DDAH1: variants seen among roughly 807,000 people sequenced by gnomAD.
DDAH1 encodes dimethylarginine dimethylaminohydrolase 1.
In DDAH1, 19 loss-of-function variants were observed where a neutral mutation model predicts 28.8. The observed-to-expected ratio is 0.66, with a 90% confidence interval of 0.46 to 0.97. The LOEUF is 0.97. Ranked by LOEUF, DDAH1 falls within the 50% of genes least tolerant of loss-of-function variation. The probability of loss-of-function intolerance (pLI) is 0.00; values close to 1 mark genes in which losing one functional copy is unlikely to be tolerated. For missense variants in DDAH1, 326 were observed against 375.9 expected (o/e 0.87, Z 1.10); for synonymous variants, 153 against 154.4 (o/e 0.99, Z 0.07).
At chr1:85,351,713 C>T (rs1261167541) in intron 2 of DDAH1, 134 bp from the exon 3 acceptor site, 1 of 631,870 alleles carries the variant, frequency 1.6e-6, no homozygotes, top group Non-Finnish European at 2.7e-6. Flanking sequence ...ACTAAAGAGA[C>T]TACAAAAAAT....
intron 2 of DDAH1, among the ~76,000 whole-genome samples, chr1:85,481,098 G>GT (rs71075839): frequency 0.056 from 6,332 of 113,294 alleles, 456 homozygotes; most frequent in East Asian, 0.13. Context: ...TGGGTTTTTT[G>GT]TTTTTTTTTT....
intron 1 of DDAH1, among the ~76,000 whole-genome samples, chr1:85,377,931 G>A (rs1024568740): frequency 6.6e-6 from 1 of 152,058 alleles, no homozygotes; most frequent in Admixed American, 6.6e-5. Context: ...TGAACACTTG[G>A]CAAATGTATA....
chr1:85,382,388 G>C (rs759535720), intron 1 of DDAH1, among the ~76,000 whole-genome samples: 1 of 152,152 alleles, frequency 6.6e-6, no homozygotes, highest in African/African-American at 2.4e-5. Flanking sequence ...GGAAGCTGCA[G>C]AAGTTTAAAG....
intron 1 of DDAH1, among the ~76,000 whole-genome samples, chr1:85,459,535 T>C (rs1655040701): frequency 6.6e-6 from 1 of 152,308 alleles, no homozygotes; most frequent in South Asian, 2.1e-4. Context: ...AAAGGAGCAG[T>C]TGTTCTAACT....
At chr1:85,570,537 A>T (rs1363641868) in intron 1 of DDAH1, among the ~76,000 whole-genome samples, 1 of 152,230 alleles carries the variant, frequency 6.6e-6, no homozygotes, top group East Asian at 1.9e-4. Context: ...AACACAAAAT[A>T]AGAAAATCAT....
intron 1 of DDAH1, among the ~76,000 whole-genome samples, chr1:85,368,089 C>T (rs1378559019): frequency 6.6e-6 from 1 of 152,082 alleles, no homozygotes; most frequent in East Asian, 1.9e-4. Context: ...TATAGGAATG[C>T]ACCATGCTAT....
intron 1 of DDAH1, chr1:85,376,789 G>A (rs1300765722): frequency 1.4e-5 from 2 of 146,856 alleles, no homozygotes; most frequent in Admixed American, 6.9e-5. Context: ...ATACCTTAGT[G>A]AGAATGCATA....
rs1335302170 is a variant in DDAH1 at position 85,324,314 on chromosome 1, AAAG to A, written c.741+423_741+425del. ...ATAATAATAATAAATAAAAAAATAA[AAAG>A]AAATAAAAAGAAAAGCTGCCCTTTT... On this transcript the variant is annotated intron_variant, in intron 5 of 5. Transcript: ENST00000284031. Among the ~76,000 whole-genome samples, 4 of 127,142 alleles carry A rather than the reference AAAG, an allele frequency of 3.1e-5. No individual in the cohort carries two copies. In the South Asian group the frequency reaches 9.0e-4, roughly 29 times the overall value. 83.4% of individuals were successfully genotyped at this position (127,142 alleles called of 152,430 possible).
intron 1 of DDAH1, among the ~76,000 whole-genome samples, chr1:85,443,607 T>C (rs1654301386): frequency 6.6e-6 from 1 of 152,216 alleles, no homozygotes; most frequent in African/African-American, 2.4e-5. Context: ...AATCTATAAA[T>C]TACCTTGGGC....
intron 1 of DDAH1, among the ~76,000 whole-genome samples, chr1:85,448,685 C>T (rs918950573): frequency 5.9e-5 from 9 of 152,122 alleles, no homozygotes; most frequent in Non-Finnish European, 1.2e-4. Flanking sequence ...TCCTGTTCTA[C>T]ATAATATGGA....
At chr1:85,415,265 TG>T in intron 1 of DDAH1, among the ~76,000 whole-genome samples, 1 of 152,098 alleles carries the variant, frequency 6.6e-6, no homozygotes, top group East Asian at 1.9e-4. Context: ...CCACCCACCT[TG>T]GCCTCCCAAA....
intron 1 of DDAH1, among the ~76,000 whole-genome samples, chr1:85,462,831 A>G (rs900334612): frequency 6.6e-6 from 1 of 152,244 alleles, no homozygotes; most frequent in African/African-American, 2.4e-5. Context: ...CCAAACCCAG[A>G]GGCAGTATCA....
In DDAH1 at chr1:85,535,985, G is replaced by A. The variant is rs1658262701; in HGVS notation, c.-122-39704C>T. 2.6e-5 allele frequency among the ~76,000 whole-genome samples: 4 copies of A among 152,348 alleles called. No individual in the cohort carries two copies. The South Asian group carries it at 6.2e-4, about 24-fold the overall frequency. On this transcript the variant is annotated intron_variant, in intron 1 of 6. Coordinates refer to the DDAH1 transcript ENST00000426972. Reference sequence around the variant, plus strand: ...GTCCAAATCAAAACCACGAGGCCGGGTGTGGTGGCTTGTGCTTGTAATCCC... The same window carrying A: ...GTCCAAATCAAAACCACGAGGCCGGATGTGGTGGCTTGTGCTTGTAATCCC...
intron 1 of DDAH1, among the ~76,000 whole-genome samples, chr1:85,396,488 C>T (rs1410003294): frequency 7.2e-5 from 11 of 152,056 alleles, no homozygotes; most frequent in Non-Finnish European, 1.6e-4. Flanking sequence ...GCAAAGAAGA[C>T]ACCAAGCCAT....
Position 85,339,075 on chromosome 1 carries a change from A to G in DDAH1, c.597+11340T>C, listed in dbSNP as rs1035643183. 7.9e-5 allele frequency among the ~76,000 whole-genome samples: 12 copies of G among 151,382 alleles called. No homozygotes were observed. The East Asian group carries it at 2.3e-3, about 29-fold the overall frequency. On this transcript the variant is annotated intron_variant, in intron 4 of 5. Coordinates refer to ENST00000284031, the MANE Select transcript of DDAH1 (RefSeq NM_012137.4). ...AAAAAAAAAAAAAATATATATATAT[A>G]TGATCTTCACACCTAACAGGTATTG...
Position 85,396,825 on chromosome 1 carries a change from G to A in DDAH1, c.304-37978C>T, listed in dbSNP as rs1171502779. 5.9e-5 allele frequency among the ~76,000 whole-genome samples: 9 copies of A among 151,894 alleles called. No individual in the cohort carries two copies. The South Asian group carries it at 8.3e-4, about 14-fold the overall frequency. ...TGAAGTGGGCAGATTGCTTGAGTCC[G>A]GGAGTTCAAGACCACCCTGGGCAAC... On this transcript the variant is annotated intron_variant, in intron 1 of 5. Coordinates refer to ENST00000284031, the MANE Select transcript of DDAH1 (RefSeq NM_012137.4).
At chr1:85,402,161 ATTTTT>A (rs11365834) in intron 1 of DDAH1, among the ~76,000 whole-genome samples, 2 of 120,430 alleles carry the variant, frequency 1.7e-5, no homozygotes, top group Admixed American at 8.8e-5. Flanking sequence ...TAATACTTCT[ATTTTT>A]TTTTTTTTTT....
At chr1:85,346,630 G>C (rs184421069) in intron 4 of DDAH1, among the ~76,000 whole-genome samples, 1 of 152,138 alleles carries the variant, frequency 6.6e-6, no homozygotes, top group African/African-American at 2.4e-5. Context: ...CTGTAAAATG[G>C]GAAAAACAAA....
At chr1:85,412,715 T>C (rs1285558627) in intron 1 of DDAH1, among the ~76,000 whole-genome samples, 2 of 152,172 alleles carry the variant, frequency 1.3e-5, no homozygotes, top group Non-Finnish European at 2.9e-5. Context: ...TAAAATATTT[T>C]GAGGGCCAGG....
Sources: gnomAD v4.1 joint callset for allele counts (sites outside exome capture counted in the v4.1 genomes callset) on GRCh38, gnomAD v4.1.1 for gene constraint, MANE v1.5 for transcripts, NCBI Gene and HGNC (gene_info 2026-07-23, HGNC 2026-07-21) for gene names.